The following NRXN3 variants were observed in gnomAD, a reference collection of about 807,000 sequenced individuals.
The protein encoded by NRXN3 is neurexin 3.
NRXN3 carries 32 observed loss-of-function variants against 137.6 expected under a neutral mutation model. The observed-to-expected ratio is 0.23, with a 90% CI of 0.18 to 0.31. The LOEUF is 0.31. NRXN3 is among the 10% of genes least tolerant of loss of function. NRXN3 has a pLI of 1.00. For missense variants in NRXN3, 1,574 were observed against 2,062.5 expected, an observed-to-expected ratio of 0.76 and a Z score of 4.59; for synonymous variants, 798 against 784.5, an observed-to-expected ratio of 1.02 and a Z score of -0.29.
chr14:78,487,776 TAAATAAATAAATAA>T lies in NRXN3; in HGVS notation c.758-157342_758-157329del, dbSNP rs1567730494. 1.4e-4 allele frequency among the ~76,000 whole-genome samples: 21 copies of T among 150,336 alleles called. No individual in the cohort carries two copies. The East Asian group carries it at 3.9e-3, about 28-fold the overall frequency. ...ATAAATAAATAAATAAATAAATAAA[TAAATAAATAAATAA>T]AGATAGATTTGTCCTGAAACTTAAA... On this transcript the variant is annotated intron_variant, in intron 4 of 20. Transcript: ENST00000335750.
intron 15 of NRXN3, among the ~76,000 whole-genome samples, chr14:79,168,603 A>G (rs2153086305): frequency 6.6e-6 from 1 of 151,916 alleles, no homozygotes; most frequent in Middle Eastern, 3.4e-3. Context: ...CCACAAGGCC[A>G]ATGTTATCTC....
At chr14:78,230,787 G>A (rs531548612) in intron 1 of NRXN3, among the ~76,000 whole-genome samples, 3 of 152,108 alleles carry the variant, frequency 2.0e-5, no homozygotes, top group Non-Finnish European at 2.9e-5. Context: ...GTGTCAGACC[G>A]TGGCCATGTG....
At chr14:79,592,646 T>C (rs1233712093) in intron 16 of NRXN3, among the ~76,000 whole-genome samples, 1 of 152,180 alleles carries the variant, frequency 6.6e-6, no homozygotes, top group African/African-American at 2.4e-5. Flanking sequence ...TGTATATTCT[T>C]TGTAGATCAC....
intron 18 of NRXN3, among the ~76,000 whole-genome samples, chr14:79,695,048 G>A (rs776519370): frequency 6.6e-6 from 1 of 151,966 alleles, no homozygotes; most frequent in Non-Finnish European, 1.5e-5. Context: ...GCTGTAGTCA[G>A]GAGTAGAGGG....
At chr14:78,879,273 A>G (rs1161829197) in intron 10 of NRXN3, among the ~76,000 whole-genome samples, 1 of 152,130 alleles carries the variant, frequency 6.6e-6, no homozygotes, top group African/African-American at 2.4e-5. Context: ...TAATTTTTTG[A>G]GGAACTTCCA....
chr14:78,442,101 GA>G (rs56402426), intron 4 of NRXN3, among the ~76,000 whole-genome samples: 93,915 of 130,118 alleles, frequency 0.72, 34,225 homozygotes, highest in South Asian at 0.83. Context: ...GTCTCAAAAA[GA>G]AAAAAAAAAA....
chr14:79,675,569 G>A (rs2098636244), intron 17 of NRXN3, among the ~76,000 whole-genome samples: 1 of 152,068 alleles, frequency 6.6e-6, no homozygotes, highest in African/African-American at 2.4e-5. Context: ...AATAAAGAGA[G>A]CAAGAGTATC....
chr14:78,540,451 T>TTG (rs2096578355), intron 4 of NRXN3, among the ~76,000 whole-genome samples: 1 of 150,888 alleles, frequency 6.6e-6, no homozygotes, highest in Admixed American at 6.6e-5. Flanking sequence ...TTTTTTTTTT[T>TTG]TGCTTTCCAT....
At chr14:78,915,215 A>G (rs2099251532) in intron 10 of NRXN3, among the ~76,000 whole-genome samples, 1 of 151,916 alleles carries the variant, frequency 6.6e-6, no homozygotes, top group African/African-American at 2.4e-5. Flanking sequence ...AAAGTCAAGG[A>G]TTGAGTTTTC....
chr14:79,473,920 T>G (rs2096536932), intron 16 of NRXN3, among the ~76,000 whole-genome samples: 2 of 152,224 alleles, frequency 1.3e-5, no homozygotes, highest in South Asian at 4.1e-4. Context: ...GAAGTGATGA[T>G]TGGATGAAGT....
At chr14:79,574,377 A>G (rs1455778002) in intron 16 of NRXN3, among the ~76,000 whole-genome samples, 1 of 152,134 alleles carries the variant, frequency 6.6e-6, no homozygotes, top group Admixed American at 6.6e-5. Context: ...AATATTTAGC[A>G]TCCTGAGCTG....
chr14:79,202,928 C>T (rs1440266383), intron 15 of NRXN3, among the ~76,000 whole-genome samples: 1 of 152,132 alleles, frequency 6.6e-6, no homozygotes, highest in Non-Finnish European at 1.5e-5. Flanking sequence ...AAATGTTGTT[C>T]TACTTTTAAT....
chr14:79,181,150 T>C (rs1200029327), intron 15 of NRXN3, among the ~76,000 whole-genome samples: 7 of 152,052 alleles, frequency 4.6e-5, no homozygotes, highest in Non-Finnish European at 8.8e-5. Flanking sequence ...ATAAAGATTC[T>C]AAATAGGTCA....
intron 15 of NRXN3, among the ~76,000 whole-genome samples, chr14:79,127,606 G>T (rs554143038): frequency 6.6e-6 from 1 of 152,322 alleles, no homozygotes; most frequent in Admixed American, 6.5e-5. Flanking sequence ...AAGTCAGGTA[G>T]TGTGATGCCT....
chr14:78,467,344 T>C lies in NRXN3; in HGVS notation c.757+169484T>C, dbSNP rs569438793. ...TATAAATTTCTCAAGTTTCGTGCTC[T>C]GCTACAGGTATAAAACCAAAACGAG... is the stretch of plus-strand genomic sequence containing the variant. On this transcript the variant is annotated intron_variant, in intron 4 of 20. Coordinates refer to ENST00000335750, the MANE Select transcript of NRXN3 (RefSeq NM_001330195.2). 3.3e-5 allele frequency among the ~76,000 whole-genome samples: 5 copies of C among 152,376 alleles called. No homozygotes were observed. In the South Asian group the frequency reaches 1.0e-3, roughly 32 times the overall value.
intron 15 of NRXN3, among the ~76,000 whole-genome samples, chr14:79,295,989 A>G (rs1318018302): frequency 1.3e-5 from 2 of 152,210 alleles, no homozygotes; most frequent in African/African-American, 2.4e-5. Context: ...ACTCTTAAAC[A>G]TACATCAGAT....
At chr14:78,644,803 C>A (rs2097670581) in intron 4 of NRXN3, among the ~76,000 whole-genome samples, 1 of 152,214 alleles carries the variant, frequency 6.6e-6, no homozygotes, top group Non-Finnish European at 1.5e-5. Context: ...GCAACTCGAG[C>A]CTCACTTGAT....
At chr14:79,333,938 T>C (rs948856787) in intron 15 of NRXN3, among the ~76,000 whole-genome samples, 4 of 152,188 alleles carry the variant, frequency 2.6e-5, no homozygotes, top group African/African-American at 7.2e-5. Flanking sequence ...CAAATATGAA[T>C]ACTGCTGTGT....
intron 15 of NRXN3, among the ~76,000 whole-genome samples, chr14:79,441,410 C>T (rs1014479889): frequency 7.6e-4 from 84 of 110,830 alleles, no homozygotes; most frequent in African/African-American, 2.8e-3. Context: ...GACGGAGTCT[C>T]GCTCTGTTGT....
Sources: allele counts gnomAD v4.1 joint callset (sites outside exome capture counted in the v4.1 genomes callset), GRCh38; gene constraint gnomAD v4.1.1; transcripts MANE v1.5; gene names NCBI Gene and HGNC (gene_info 2026-07-23, HGNC 2026-07-21).